Variants in AFF3 observed in about 807,000 individuals in gnomAD.
AFF3 encodes ALF transcription elongation factor 3, also known as AF4/FMR2 family member 3.
Under a neutral mutation model 129.7 loss-of-function variants are expected in AFF3, and 32 were observed. The observed-to-expected ratio is 0.25, with a 90% CI of 0.19 to 0.33. The LOEUF (loss-of-function observed/expected upper bound fraction) is 0.33, where lower values mean the gene tolerates loss of function less well. Among genes scored for constraint, AFF3 ranks in the 10% least tolerant of loss-of-function variants. The pLI, the probability that AFF3 is intolerant of heterozygous loss-of-function variation, is 1.00. For missense variants in AFF3, 1,373 were observed against 1,592.0 expected (o/e 0.86, Z 2.34); for synonymous variants, 644 against 635.4 (o/e 1.01, Z -0.20).
chr2:99,582,770 A>C (rs761381135), intron 17 of AFF3, 28 bp downstream of exon 17: 2 of 1,611,792 alleles, frequency 1.2e-6, no homozygotes, highest in Non-Finnish European at 1.7e-6. Context: ...TTTTGGTTTT[A>C]ATTGGGAAAG....
intron 2 of AFF3, among the ~76,000 whole-genome samples, chr2:100,112,136 T>C (rs1691533350): frequency 6.6e-6 from 1 of 152,200 alleles, no homozygotes; most frequent in African/African-American, 2.4e-5. Context: ...AAGTATTTCC[T>C]CAGCACTTTG....
chr2:99,873,349 T>C (rs925303830), intron 7 of AFF3, among the ~76,000 whole-genome samples: 1 of 152,230 alleles, frequency 6.6e-6, no homozygotes, highest in Non-Finnish European at 1.5e-5. Flanking sequence ...CTGTCATCCA[T>C]TGTTTTTACA....
At chr2:99,874,343 G>T (rs1305830645) in intron 7 of AFF3, among the ~76,000 whole-genome samples, 2 of 152,150 alleles carry the variant, frequency 1.3e-5, no homozygotes, top group African/African-American at 2.4e-5. Flanking sequence ...GTGTGTCTGT[G>T]TTCTCAAAAT....
chr2:99,630,271 G>A (rs1412102685), intron 13 of AFF3, among the ~76,000 whole-genome samples: 1 of 152,188 alleles, frequency 6.6e-6, no homozygotes, highest in Non-Finnish European at 1.5e-5. Flanking sequence ...GGTTAACACG[G>A]AAATGTTAAA....
intron 7 of AFF3, among the ~76,000 whole-genome samples, chr2:99,977,462 AAAG>A (rs1679004313): frequency 1.3e-5 from 2 of 152,240 alleles, no homozygotes; most frequent in Non-Finnish European, 1.5e-5. Context: ...AGAAAAACAA[AAAG>A]AAGTCTCATC....
At chr2:99,890,432 C>A (rs192429919) in intron 7 of AFF3, among the ~76,000 whole-genome samples, 2 of 152,322 alleles carry the variant, frequency 1.3e-5, no homozygotes, top group Non-Finnish European at 2.9e-5. Flanking sequence ...ATTAAAAATA[C>A]TTTTAACAAA....
At position 99,727,131 on chromosome 2, in the gene AFF3, T is replaced by A. The variant is rs1003430405; in HGVS notation, c.1040-3A>T. The A allele has an allele frequency of 6.2e-7, 1 of 1,608,700 alleles. No homozygotes were observed. The highest frequency in any genetic ancestry group is 1.3e-5 in the African/African-American group (1 of 74,678). ...CTCTGGCTCTGCATCACCTTTCTCT[T>A]AAAAAGGAAGCAGAAAAAAATACCG... On this transcript the variant is annotated splice_polypyrimidine_tract_variant and splice_region_variant and intron_variant, in intron 10 of 24. Transcript: ENST00000672756.
chr2:100,054,667 T>G (rs553509805), intron 4 of AFF3, among the ~76,000 whole-genome samples: 16 of 152,224 alleles, frequency 1.1e-4, no homozygotes, highest in Non-Finnish European at 7.3e-5. Context: ...AGCCAATTCC[T>G]TATCCTAAGG....
At chr2:100,061,771 G>T (rs1193534085) in intron 4 of AFF3, among the ~76,000 whole-genome samples, 1 of 149,958 alleles carries the variant, frequency 6.7e-6, no homozygotes, top group Non-Finnish European at 1.5e-5. Context: ...GAAGTCAACA[G>T]AGAATTTTGT....
chr2:99,724,711 T>TC (rs1286791081), intron 11 of AFF3, among the ~76,000 whole-genome samples: 1 of 152,166 alleles, frequency 6.6e-6, no homozygotes, highest in Non-Finnish European at 1.5e-5. Context: ...ATCCTGAATC[T>TC]CACTCTTTAT....
At position 99,735,618 on chromosome 2, in the gene AFF3, G is replaced by A. The variant is rs538107937; in HGVS notation, c.1039+8486C>T. Among the ~76,000 whole-genome samples the A allele has an allele frequency of 1.4e-4, 21 of 152,056 alleles. 1 individual carries two copies. In the South Asian group the frequency reaches 3.1e-3, roughly 23 times the overall value. The stretch of plus-strand genomic sequence containing the variant: ...AGCGATTCTCCTGCCTCAGTCTCCC[G>A]AGTAGCTGGGACTACAGGCGCCTGC... On this transcript the variant is annotated intron_variant, in intron 10 of 24. Transcript: ENST00000672756.
At chr2:99,965,323 G>C (rs897959015) in intron 7 of AFF3, among the ~76,000 whole-genome samples, 1 of 152,152 alleles carries the variant, frequency 6.6e-6, no homozygotes, top group Non-Finnish European at 1.5e-5. Flanking sequence ...ACTTCCAGGG[G>C]AAAAGAAGCC....
chr2:99,669,759 C>T (rs542466621), intron 12 of AFF3, among the ~76,000 whole-genome samples: 7 of 152,226 alleles, frequency 4.6e-5, no homozygotes, highest in African/African-American at 1.7e-4. Context: ...CACTTGAGGT[C>T]AGAATTTTGA....
intron 1 of AFF3, among the ~76,000 whole-genome samples, chr2:100,139,057 A>G (rs562764577): frequency 1.3e-5 from 2 of 152,066 alleles, no homozygotes; most frequent in Admixed American, 6.5e-5. Flanking sequence ...TTGCCAATTT[A>G]TCATCAAAGG....
intron 7 of AFF3, among the ~76,000 whole-genome samples, chr2:99,913,207 T>C (rs1695228827): frequency 6.6e-6 from 1 of 152,252 alleles, no homozygotes; most frequent in South Asian, 2.1e-4. Context: ...AAGAATTATT[T>C]TAAACAAATA....
chr2:99,974,905 T>A (rs1678727281), intron 7 of AFF3, among the ~76,000 whole-genome samples: 1 of 152,188 alleles, frequency 6.6e-6, no homozygotes, highest in Admixed American at 6.5e-5. Flanking sequence ...GGGAAAGGTA[T>A]GGCAGTGCAG....
chr2:100,095,253 G>T (rs1046619770), intron 4 of AFF3, among the ~76,000 whole-genome samples: 5 of 151,952 alleles, frequency 3.3e-5, no homozygotes, highest in Non-Finnish European at 4.4e-5. Flanking sequence ...TCAAATACTT[G>T]CTTATCTTAC....
chr2:99,981,121 C>A (rs368103809), intron 7 of AFF3, among the ~76,000 whole-genome samples: 1 of 152,246 alleles, frequency 6.6e-6, no homozygotes, highest in African/African-American at 2.4e-5. Flanking sequence ...CAGGTTCAAG[C>A]GATTCTCCTG....
rs563535315 is a variant in AFF3 at position 99,632,055 on chromosome 2, A to G, written c.1184+17571T>C. ...TTTTTAGATAGAGTCTCGCTTTGTC[A>G]CCCAGGCTGGAGTGCAATGGCGTGA... On this transcript the variant is annotated intron_variant, in intron 13 of 24. Coordinates refer to ENST00000672756, the MANE Select transcript of AFF3 (RefSeq NM_001386135.1). Among the ~76,000 whole-genome samples the G allele has an allele frequency of 1.5e-4, 17 of 111,352 alleles. 2 individuals carry two copies. The South Asian group carries it at 4.5e-3, about 29-fold the overall frequency. The allele number at this position is 111,352 out of a possible 152,430, so 73.1% of individuals were successfully genotyped here. A position where few individuals can be genotyped will look rare whatever the true frequency, so the allele number is the denominator to read the frequency against.
Sources: gnomAD v4.1 joint callset for allele counts (sites outside exome capture counted in the v4.1 genomes callset) on GRCh38, gnomAD v4.1.1 for gene constraint, MANE v1.5 for transcripts, NCBI Gene and HGNC (gene_info 2026-07-23, HGNC 2026-07-21) for gene names.